Variants in RBFOX1 observed in about 807,000 individuals in gnomAD.
RBFOX1 encodes RNA binding protein fox-1 homolog 1.
A neutral mutation model predicts 57.7 loss-of-function variants in RBFOX1; 8 were observed. The observed-to-expected ratio is 0.14, with a 90% CI of 0.08 to 0.25. The LOEUF (loss-of-function observed/expected upper bound fraction) is 0.25, where lower values mean the gene tolerates loss of function less well. Among genes scored for constraint, RBFOX1 ranks in the 10% least tolerant of loss-of-function variants. The pLI is 1.00. For synonymous variants in RBFOX1, 326 were observed against 222.4 expected (o/e 1.47, Z -4.15); for missense variants, 611 against 548.5 (o/e 1.11, Z -1.14).
At chr16:6,906,875 A>AC (rs2070132049) in intron 3 of RBFOX1, among the ~76,000 whole-genome samples, 1 of 151,842 alleles carries the variant, frequency 6.6e-6, no homozygotes, top group South Asian at 2.1e-4. Flanking sequence ...GGCACCTGCC[A>AC]CCCCACCTGG....
chr16:5,595,073 G>C (rs1221798281), intron 2 of RBFOX1, among the ~76,000 whole-genome samples: 1 of 152,042 alleles, frequency 6.6e-6, no homozygotes, highest in Non-Finnish European at 1.5e-5. Flanking sequence ...TTGAACCTGG[G>C]AGGTGGAGGT....
At chr16:6,822,084 C>T (rs549114213) in intron 3 of RBFOX1, among the ~76,000 whole-genome samples, 6 of 152,124 alleles carry the variant, frequency 3.9e-5, no homozygotes, top group African/African-American at 9.6e-5. Context: ...GAAATGGTTG[C>T]GTGTGATTTT....
Position 7,186,273 on chromosome 16 carries a change from CAT to C in RBFOX1, c.27+134177_27+134178del, listed in dbSNP as rs1020445562. On this transcript the variant is annotated intron_variant, in intron 4 of 15. Coordinates refer to ENST00000550418, the MANE Select transcript of RBFOX1 (RefSeq NM_018723.4). ...ATAAACATATTTATATAAACATAAA[CAT>C]AAACATATTTATATAAATATAAACA... Among the ~76,000 whole-genome samples the C allele has an allele frequency of 2.4e-4, 29 of 119,048 alleles. 1 individual carries two copies. The East Asian group carries it at 4.3e-3, about 18-fold the overall frequency. 78.1% of individuals were successfully genotyped at this position (119,048 alleles called of 152,430 possible).
At chr16:6,668,262 G>A (rs181547360) in intron 3 of RBFOX1, among the ~76,000 whole-genome samples, 7 of 152,324 alleles carry the variant, frequency 4.6e-5, no homozygotes, top group Non-Finnish European at 8.8e-5. Flanking sequence ...CTGAGATTGT[G>A]GCATGTGGGT....
At chr16:5,413,564 G>A (rs944326602) in intron 1 of RBFOX1, among the ~76,000 whole-genome samples, 9 of 152,310 alleles carry the variant, frequency 5.9e-5, no homozygotes, top group Non-Finnish European at 1.2e-4. Context: ...CAGCACAGAC[G>A]TAGAACATTT....
chr16:7,621,043 C>G (rs987482893), intron 10 of RBFOX1, among the ~76,000 whole-genome samples: 1 of 152,026 alleles, frequency 6.6e-6, no homozygotes, highest in East Asian at 1.9e-4. Context: ...TCTCAGGCCC[C>G]ACCCCAGACC....
chr16:5,947,435 A>C lies in RBFOX1; in HGVS notation c.351+80100A>C, dbSNP rs559976552. Among the ~76,000 whole-genome samples, 40 of 152,254 alleles carry C rather than the reference A, an allele frequency of 2.6e-4. 1 individual carries two copies. The South Asian group carries it at 7.9e-3, about 30-fold the overall frequency. On this transcript the variant is annotated intron_variant, in intron 4 of 19. Coordinates refer to the RBFOX1 transcript ENST00000641259. The surrounding 1 kb of genome is among the most constrained non-coding windows in gnomAD (Gnocchi z 7.2). ...CAGACTGGAGTGCATTGGTATGATC[A>C]TGGCTCACTACAGCCTCGAAATCTT...
chr16:5,568,588 C>A (rs2046156137), intron 2 of RBFOX1, among the ~76,000 whole-genome samples: 1 of 152,146 alleles, frequency 6.6e-6, no homozygotes, highest in Non-Finnish European at 1.5e-5. Flanking sequence ...GCGTGACACT[C>A]ATCACTCTGT....
At chr16:7,349,007 G>T (rs985275200) in intron 4 of RBFOX1, among the ~76,000 whole-genome samples, 3 of 152,138 alleles carry the variant, frequency 2.0e-5, no homozygotes, top group Non-Finnish European at 4.4e-5. Context: ...TGAGTAGGAG[G>T]CTTCTGCTTT....
intron 4 of RBFOX1, among the ~76,000 whole-genome samples, chr16:7,418,941 G>T (rs2098511994): frequency 6.6e-6 from 1 of 152,074 alleles, no homozygotes; most frequent in Non-Finnish European, 1.5e-5. Context: ...GTCTCAGTCT[G>T]TCACCCAGGT....
intron 3 of RBFOX1, among the ~76,000 whole-genome samples, chr16:7,039,851 CCT>C (rs1007118561): frequency 2.0e-5 from 3 of 152,006 alleles, no homozygotes; most frequent in Admixed American, 6.6e-5. Context: ...GGCAAAGCGA[CCT>C]CTCTCTTTTT....
At chr16:7,396,483 G>A (rs769560094) in intron 4 of RBFOX1, among the ~76,000 whole-genome samples, 30 of 151,986 alleles carry the variant, frequency 2.0e-4, no homozygotes, top group South Asian at 4.1e-4. Context: ...TTCCCTACAC[G>A]TCCTGATTCA....
intron 3 of RBFOX1, among the ~76,000 whole-genome samples, chr16:6,892,822 C>G (rs1567748207): frequency 8.8e-6 from 1 of 113,886 alleles, no homozygotes; most frequent in African/African-American, 3.0e-5. Context: ...CTCTCTCTCT[C>G]TCTCTATTCT....
chr16:6,540,631 A>C (rs1245162453), intron 2 of RBFOX1, among the ~76,000 whole-genome samples: 1 of 151,714 alleles, frequency 6.6e-6, no homozygotes, highest in East Asian at 1.9e-4. Context: ...AAAAAAAAAA[A>C]AAAAAAACCT....
chr16:6,850,149 G>A (rs1422889067), intron 3 of RBFOX1, among the ~76,000 whole-genome samples: 1 of 152,016 alleles, frequency 6.6e-6, no homozygotes, highest in African/African-American at 2.4e-5. Flanking sequence ...TGCACCCTAG[G>A]GTTCCTTTCC....
intron 4 of RBFOX1, among the ~76,000 whole-genome samples, chr16:7,471,785 G>C (rs939498676): frequency 2.0e-5 from 3 of 152,218 alleles, no homozygotes; most frequent in African/African-American, 7.2e-5. Flanking sequence ...TTTCCCTTAA[G>C]AGTGATGTGT....
chr16:7,709,851 G>T (rs752975308), intron 15 of RBFOX1: 1 of 1,210,508 alleles, frequency 8.3e-7, no homozygotes, highest in Non-Finnish European at 1.0e-6. Context: ...ACAGTAAGAC[G>T]TGCCCATCAC....
intron 3 of RBFOX1, among the ~76,000 whole-genome samples, chr16:7,019,814 T>C (rs143602641): frequency 1.6e-3 from 248 of 152,320 alleles, no homozygotes; most frequent in African/African-American, 5.5e-3. Flanking sequence ...CCATTAATCC[T>C]GAACATATGA....
chr16:6,628,778 TGTCATTC>T (rs2098343434), intron 2 of RBFOX1, among the ~76,000 whole-genome samples: 1 of 152,202 alleles, frequency 6.6e-6, no homozygotes, highest in African/African-American at 2.4e-5. Context: ...GATATAGAAC[TGTCATTC>T]TTCCAAAGTT....
Sources: gnomAD v4.1 joint callset for allele counts (sites outside exome capture counted in the v4.1 genomes callset) on GRCh38, gnomAD v4.1.1 for gene constraint, Gnocchi (gnomAD v3.1) non-coding constraint, MANE v1.5 for transcripts, NCBI Gene and HGNC (gene_info 2026-07-23, HGNC 2026-07-21) for gene names.